Variants in TSPAN15 observed in about 807,000 individuals in gnomAD.
TSPAN15 encodes the protein tetraspanin-15.
In TSPAN15, 20 loss-of-function variants were observed where a neutral mutation model predicts 34.5. The ratio of observed to expected loss-of-function variants is 0.58; its 90% confidence interval spans 0.41 to 0.84. The LOEUF is 0.84. TSPAN15 is among the 40% of genes least tolerant of loss of function. The pLI is 0.00. For synonymous variants in TSPAN15, 155 were observed against 153.9 expected, an observed-to-expected ratio of 1.01 and a Z score of -0.05; for missense variants, 313 against 386.1, an observed-to-expected ratio of 0.81 and a Z score of 1.59.
At chr10:69,485,619 G>T (rs544437107) in intron 3 of TSPAN15, among the ~76,000 whole-genome samples, 43 of 152,312 alleles carry the variant, frequency 2.8e-4, no homozygotes, top group African/African-American at 8.9e-4. Flanking sequence ...TAGGCCATGA[G>T]TTGGGAGCTT....
the TSPAN15 span, among the ~76,000 whole-genome samples, chr10:69,540,732 A>G: frequency 6.6e-6 from 1 of 152,022 alleles, no homozygotes; most frequent in Non-Finnish European, 1.5e-5. Flanking sequence ...ACTCTCTGAG[A>G]TGGGGTCTGG....
rs531041663 is a variant in TSPAN15, at chr10:69,476,077, G to A, written c.97-7614G>A. On this transcript the variant is annotated intron_variant, in intron 1 of 7. Transcript: ENST00000373290. ...TAGATTCATTCTGGTTCCAATCAAC[G>A]TCCAGTTCAGTTGATTTCCTCCCGA... 1.1e-4 allele frequency among the ~76,000 whole-genome samples: 16 copies of A among 152,012 alleles called. 1 individual carries two copies. The highest frequency in any genetic ancestry group is 3.9e-4 in the Admixed American group (6 of 15,256).
intron 3 of TSPAN15, among the ~76,000 whole-genome samples, chr10:69,491,847 C>A (rs1450328343): frequency 6.6e-6 from 1 of 152,146 alleles, no homozygotes; most frequent in Non-Finnish European, 1.5e-5. Context: ...GCTTTAGCGG[C>A]CGCCCCTTCC....
chr10:69,526,223 G>C, the TSPAN15 span, among the ~76,000 whole-genome samples: 1 of 147,346 alleles, frequency 6.8e-6, no homozygotes, highest in Non-Finnish European at 1.5e-5. Flanking sequence ...AACTAGAGGA[G>C]TGAATCATTT....
intron 3 of TSPAN15, chr10:69,495,066 A>G (rs1048081590): frequency 5.7e-6 from 1 of 175,106 alleles, no homozygotes; most frequent in Non-Finnish European, 1.1e-5. Context: ...AGTCCTGGCA[A>G]GACCCCACCC....
Position 69,506,892 on chromosome 10 carries a change from T to G in TSPAN15, c.799T>G (p.Ser267Ala), listed in dbSNP as rs1037072528. 6.2e-7 allele frequency: 1 copy of G among 1,606,736 alleles called. No individual in the cohort carries two copies. The highest frequency in any genetic ancestry group is 8.5e-7 in the Non-Finnish European group (1 of 1,177,256). Reference sequence around the variant, plus strand: ...GGTGGAGGACATCATCATGGAGCACTCTGTCACTGATGGGCTCCTGGGGCC... The same window carrying G: ...GGTGGAGGACATCATCATGGAGCACGCTGTCACTGATGGGCTCCTGGGGCC... ...TRVEDIIMEHSVTDGLLGPGA... is the reference protein window; with the variant it reads ...TRVEDIIMEHAVTDGLLGPGA... Residue 267 changes from serine to alanine, a missense_variant, in exon 8 of 8, where the codon TCT (serine) becomes GCT (alanine). Coordinates refer to ENST00000373290, the MANE Select transcript of TSPAN15 (RefSeq NM_012339.5). The surrounding 1 kb of genome is among the most constrained non-coding windows in gnomAD (Gnocchi z 4.7).
At chr10:69,459,586 G>A (rs1841198086) in intron 1 of TSPAN15, among the ~76,000 whole-genome samples, 2 of 152,292 alleles carry the variant, frequency 1.3e-5, no homozygotes, top group Admixed American at 6.5e-5. Flanking sequence ...GAGGCAGGTC[G>A]CAAGCATGGC....
Position 69,506,833 on chromosome 10 carries a change from T to G in TSPAN15, c.740T>G (p.Leu247Arg). The G allele has an allele frequency of 6.3e-7, 1 of 1,580,764 alleles. No homozygotes were observed. The highest frequency in any genetic ancestry group is 8.6e-7 in the Non-Finnish European group (1 of 1,163,298). ...ILLGILLPQF[L>R]GVLLTLLYIT... ...AGCCCTGCCCCTTCTTCTCAGTTCC[T>G]GGGGGTGCTGCTGACGCTGCTGTAC... The change falls in exon 8 of 8, where the codon CTG (leucine) becomes CGG (arginine). Residue 247 changes from leucine to arginine, a missense_variant. Leu to Arg is a moderately radical substitution (Grantham distance 102). Coordinates refer to ENST00000373290, the MANE Select transcript of TSPAN15 (RefSeq NM_012339.5). This position sits in a 1 kb window ranked among gnomAD's most constrained non-coding sequence, Gnocchi z 4.7.
At chr10:69,483,566 C>A in intron 1 of TSPAN15, 125 bp from the exon 2 acceptor site, 1 of 1,005,574 alleles carries the variant, frequency 9.9e-7, no homozygotes, top group Non-Finnish European at 1.4e-6. Flanking sequence ...GCTAACAGGG[C>A]CCTTTCTGTG....
intron 5 of TSPAN15, among the ~76,000 whole-genome samples, chr10:69,501,984 C>G (rs976486348): frequency 2.6e-5 from 4 of 151,980 alleles, no homozygotes; most frequent in African/African-American, 4.8e-5. Flanking sequence ...CCCACCCCCC[C>G]GCACCCCATC....
the TSPAN15 span, among the ~76,000 whole-genome samples, chr10:69,525,658 T>TA: frequency 4.8e-5 from 7 of 145,534 alleles, no homozygotes; most frequent in South Asian, 2.2e-4. Flanking sequence ...CCGTCTCTAC[T>TA]AAAAATATAA....
Position 69,506,834 on chromosome 10 carries a change from G to T in TSPAN15, c.741G>T (p.Leu247=). The change falls in exon 8 of 8, where the codon CTG becomes CTT. Residue 247 remains leucine (L), a synonymous_variant. Coordinates refer to ENST00000373290, the MANE Select transcript of TSPAN15 (RefSeq NM_012339.5). The surrounding 1 kb of genome is among the most constrained non-coding windows in gnomAD (Gnocchi z 4.7). ...ILLGILLPQF[L]GVLLTLLYIT... ...GCCCTGCCCCTTCTTCTCAGTTCCT[G>T]GGGGTGCTGCTGACGCTGCTGTACA... 1 of 1,581,620 alleles carries T rather than the reference G, an allele frequency of 6.3e-7. No homozygotes were observed. Among genetic ancestry groups the T allele is most frequent in the East Asian group, 2.3e-5 (1 of 43,550 alleles).
At chr10:69,455,383 C>T (rs1841064461) in intron 1 of TSPAN15, among the ~76,000 whole-genome samples, 1 of 152,070 alleles carries the variant, frequency 6.6e-6, no homozygotes, top group Non-Finnish European at 1.5e-5. Flanking sequence ...AAATTTAAAT[C>T]CACGTGAATT....
At chr10:69,489,093 C>T (rs1841915881) in intron 3 of TSPAN15, among the ~76,000 whole-genome samples, 1 of 152,112 alleles carries the variant, frequency 6.6e-6, no homozygotes, top group African/African-American at 2.4e-5. Flanking sequence ...CCAGAGCGGC[C>T]GTTTATAGAC....
chr10:69,489,558 T>C (rs1474457394), intron 3 of TSPAN15, among the ~76,000 whole-genome samples: 1 of 152,198 alleles, frequency 6.6e-6, no homozygotes, highest in Non-Finnish European at 1.5e-5. Context: ...GTCCCTCCAT[T>C]TGGGGTCCCT....
chr10:69,456,317 C>A (rs1222349823), intron 1 of TSPAN15, among the ~76,000 whole-genome samples: 2 of 152,126 alleles, frequency 1.3e-5, no homozygotes, highest in African/African-American at 4.8e-5. Flanking sequence ...GACCTCCTGA[C>A]CTTAAATGAT....
chr10:69,483,276 C>T (rs10998832), intron 1 of TSPAN15, among the ~76,000 whole-genome samples: 58,238 of 151,806 alleles, frequency 0.38, 11,810 homozygotes, highest in Non-Finnish European at 0.45. Context: ...GTGTGAGCCA[C>T]CGCGCCCGGC....
intron 1 of TSPAN15, among the ~76,000 whole-genome samples, chr10:69,473,889 G>A (rs1403396571): frequency 6.6e-6 from 1 of 152,162 alleles, no homozygotes; most frequent in African/African-American, 2.4e-5. Flanking sequence ...CAGTTCCGAT[G>A]TGGGATTCCA....
chr10:69,460,028 AGATGAGATG>A (rs1841214706), intron 1 of TSPAN15, among the ~76,000 whole-genome samples: 1 of 78,598 alleles, frequency 1.3e-5, no homozygotes, highest in Admixed American at 1.2e-4. Flanking sequence ...AGATGAGATG[AGATGAGATG>A]AGATGAGATG....
Sources: allele counts gnomAD v4.1 joint callset (sites outside exome capture counted in the v4.1 genomes callset), GRCh38; gene constraint gnomAD v4.1.1; non-coding constraint Gnocchi (gnomAD v3.1); transcripts MANE v1.5; gene names NCBI Gene and HGNC (gene_info 2026-07-23, HGNC 2026-07-21).